Variants in OSBPL9 observed in about 807,000 individuals in gnomAD.
OSBPL9 encodes the protein oxysterol-binding protein-related protein 9.
Under a neutral mutation model 106.6 loss-of-function variants are expected in OSBPL9, and 40 were observed. The ratio of observed to expected loss-of-function variants is 0.38; its 90% CI spans 0.29 to 0.49. The LOEUF (loss-of-function observed/expected upper bound fraction) is 0.49. OSBPL9 is among the 20% of genes least tolerant of loss of function. The probability of loss-of-function intolerance (pLI) is 0.97; values close to 1 mark genes in which losing one functional copy is unlikely to be tolerated. For synonymous variants in OSBPL9, 269 were observed against 295.4 expected (o/e 0.91, Z 0.92); for missense variants, 609 against 887.2 (o/e 0.69, Z 3.98).
In OSBPL9 at chr1:51,784,352, C is replaced by G. The variant is rs369326455; in HGVS notation, c.1688+25C>G. 1.2e-5 allele frequency: 20 copies of G among 1,610,024 alleles called. No homozygotes were observed. The African/African-American group carries it at 2.7e-4, about 22-fold the overall frequency. On this transcript the variant is annotated intron_variant, in intron 19 of 23. Transcript: ENST00000428468. ...GGCAAGTGTGTCCATTTCCTCTGAT[C>G]AGCAGTAGACTCTGCTGTTCCTTGA... is the stretch of plus-strand genomic sequence containing the variant.
chr1:51,640,958 A>C (rs1382735039), intron 1 of OSBPL9, among the ~76,000 whole-genome samples: 4 of 151,478 alleles, frequency 2.6e-5, no homozygotes, highest in Non-Finnish European at 4.4e-5. Flanking sequence ...TAATTAAAAA[A>C]AATTTTTTTT....
At position 51,788,182 on chromosome 1, in the gene OSBPL9, ACACACATACG is replaced by A. The variant is rs1408827337; in HGVS notation, c.*394_*403del. ...CACACACACACACACATATATATAC[ACACACATACG>A]TATACACACACATACATATATATAA... On this transcript the variant is annotated 3_prime_UTR_variant, in exon 24 of 24. Coordinates refer to ENST00000428468, the MANE Select transcript of OSBPL9 (RefSeq NM_024586.6). The A allele has an allele frequency of 1.8e-4, 35 of 193,908 alleles. No homozygotes were observed. Among genetic ancestry groups the A allele is most frequent in the African/African-American group, 7.5e-4 (32 of 42,490 alleles). 12.0% of individuals were successfully genotyped at this position (193,908 alleles called of 1,614,324 possible). A position where few individuals can be genotyped will look rare whatever the true frequency, so the allele number is the denominator to read the frequency against.
intron 15 of OSBPL9, among the ~76,000 whole-genome samples, chr1:51,780,498 A>T (rs1676112843): frequency 6.6e-6 from 1 of 152,244 alleles, no homozygotes; most frequent in Admixed American, 6.5e-5. Context: ...AAATAAAGAA[A>T]ACGTGGCATA....
At chr1:51,598,035 G>A (rs1021328165) in intron 1 of OSBPL9, 1 of 152,236 alleles carries the variant, frequency 6.6e-6, no homozygotes, top group Non-Finnish European at 1.5e-5. Context: ...GAGGCAGAGA[G>A]ATGTACCAGA....
intron 1 of OSBPL9, among the ~76,000 whole-genome samples, chr1:51,635,397 C>T (rs999030154): frequency 1.3e-5 from 2 of 152,126 alleles, no homozygotes; most frequent in African/African-American, 4.8e-5. Context: ...GTTTGCACCT[C>T]GCTGTTACTC....
intron 16 of OSBPL9, chr1:51,781,698 AAGAG>A (rs1676426828): frequency 5.3e-6 from 1 of 187,154 alleles, no homozygotes; most frequent in South Asian, 1.1e-4. Context: ...ACATTATTCC[AAGAG>A]AGACATGGTG....
At chr1:51,626,995 G>T (rs1644804051) in intron 1 of OSBPL9, among the ~76,000 whole-genome samples, 2 of 151,924 alleles carry the variant, frequency 1.3e-5, no homozygotes, top group African/African-American at 4.8e-5. Context: ...TTTTGTTGTT[G>T]GTCATGGTTT....
intron 3 of OSBPL9, among the ~76,000 whole-genome samples, chr1:51,676,657 TAAAAAAA>T: frequency 1.1e-5 from 1 of 88,886 alleles, no homozygotes; most frequent in East Asian, 3.0e-4. Flanking sequence ...AGACTCCATC[TAAAAAAA>T]AAAAAAAAAA....
chr1:51,782,297 T>A (rs540588025), intron 16 of OSBPL9, among the ~76,000 whole-genome samples: 1 of 152,248 alleles, frequency 6.6e-6, no homozygotes, highest in Admixed American at 6.5e-5. Context: ...GTGTCTGTTC[T>A]TATTCATTTG....
In OSBPL9 at chr1:51,667,725, C is replaced by T. The variant is rs572639339; in HGVS notation, c.163-1709C>T. On this transcript the variant is annotated intron_variant, in intron 2 of 23. Transcript: ENST00000428468. Reference sequence around the variant, plus strand: ...CTCAGTTAATCACAAATTACATTAACCAGAATGAGCTGTTTCTGCACGTGC... The same window carrying T: ...CTCAGTTAATCACAAATTACATTAATCAGAATGAGCTGTTTCTGCACGTGC... Among the ~76,000 whole-genome samples the T allele has an allele frequency of 2.6e-5, 4 of 152,294 alleles. No individual in the cohort carries two copies. In the East Asian group the frequency reaches 7.7e-4, roughly 29 times the overall value.
chr1:51,540,276 G>T, the OSBPL9 span, among the ~76,000 whole-genome samples: 1 of 151,506 alleles, frequency 6.6e-6, no homozygotes, highest in Non-Finnish European at 1.5e-5. Flanking sequence ...TCTTAAGTAG[G>T]TCCCTCCCTA....
chr1:51,546,425 C>CG, the OSBPL9 span, among the ~76,000 whole-genome samples: 1 of 151,986 alleles, frequency 6.6e-6, no homozygotes, highest in Admixed American at 6.6e-5. Context: ...TGGCTGGGCG[C>CG]GGTGGCTCAC....
At chr1:51,782,077 G>A (rs756348919) in intron 16 of OSBPL9, among the ~76,000 whole-genome samples, 2 of 152,096 alleles carry the variant, frequency 1.3e-5, no homozygotes. Flanking sequence ...CCCAGAACTG[G>A]CTCTGAGGCT....
In OSBPL9 at chr1:51,765,835, A is replaced by G. The variant is rs1340310830; in HGVS notation, c.792A>G (p.Ser264=). ...PTPNSTGSGH[S]PPSSSLTSPS... is the part of the protein sequence containing the mutation. The stretch of plus-strand genomic sequence containing the variant: ...TTAACTTCCTAGGCAGTGGCCATTC[A>G]CCACCGAGTAGCAGTCTCACTTCTC... Residue 264 remains serine, a synonymous_variant, in exon 12 of 24, where the codon TCA becomes TCG. Transcript: ENST00000428468. 3 of 1,612,366 alleles carry G rather than the reference A, an allele frequency of 1.9e-6. No homozygotes were observed. In the African/African-American group the frequency reaches 4.0e-5, roughly 22 times the overall value.
the OSBPL9 span, among the ~76,000 whole-genome samples, chr1:51,531,001 C>T: frequency 1.9e-4 from 29 of 151,116 alleles, no homozygotes; most frequent in Admixed American, 1.3e-3. Flanking sequence ...GGGCCAGGTG[C>T]GGTGGCTCAT....
At chr1:51,591,916 G>T (rs180825956) in intron 1 of OSBPL9, among the ~76,000 whole-genome samples, 8 of 152,074 alleles carry the variant, frequency 5.3e-5, no homozygotes, top group African/African-American at 1.7e-4. Context: ...CCTAACACTG[G>T]ACTTCTCGGT....
chr1:51,696,100 C>T (rs1228205512), intron 3 of OSBPL9, among the ~76,000 whole-genome samples: 1 of 152,122 alleles, frequency 6.6e-6, no homozygotes, highest in Non-Finnish European at 1.5e-5. Context: ...ATGACTGGTA[C>T]ATGGTGTATG....
intron 1 of OSBPL9, among the ~76,000 whole-genome samples, chr1:51,627,745 C>G (rs543565500): frequency 5.3e-5 from 8 of 151,558 alleles, no homozygotes; most frequent in African/African-American, 1.7e-4. Flanking sequence ...AAAATATCAT[C>G]CTAACCTGTC....
the OSBPL9 span, among the ~76,000 whole-genome samples, chr1:51,524,870 C>T: frequency 1.3e-5 from 2 of 152,224 alleles, no homozygotes; most frequent in Admixed American, 1.3e-4. Context: ...AAACCTTGCA[C>T]TCATGGCTGC....
Sources: allele counts gnomAD v4.1 joint callset (sites outside exome capture counted in the v4.1 genomes callset), GRCh38; gene constraint gnomAD v4.1.1; transcripts MANE v1.5; gene names NCBI Gene and HGNC (gene_info 2026-07-23, HGNC 2026-07-21).